DNAJC24: variants seen among roughly 807,000 people sequenced by gnomAD.
The protein encoded by DNAJC24 is dnaJ homolog subfamily C member 24.
DNAJC24 carries 17 observed loss-of-function variants against 18.0 expected under a neutral mutation model. The ratio of observed to expected loss-of-function variants is 0.94; its 90% confidence interval spans 0.65 to 1.42. The LOEUF is 1.42. Among genes scored for constraint, DNAJC24 ranks in the 40% most tolerant of loss-of-function variants. DNAJC24 has a pLI of 0.00. For synonymous variants in DNAJC24, 55 were observed against 57.7 expected (o/e 0.95, Z 0.21); for missense variants, 158 against 175.6 (o/e 0.90, Z 0.57).
chr11:31,414,674 G>C, intron 2 of DNAJC24, 137 bp from the exon 3 acceptor site: 1 of 867,846 alleles, frequency 1.2e-6, no homozygotes, highest in Non-Finnish European at 1.8e-6. Context: ...GCCCAACACT[G>C]TTGTCTCATT....
chr11:31,394,893 C>T (rs2133481144), intron 2 of DNAJC24, among the ~76,000 whole-genome samples: 1 of 152,112 alleles, frequency 6.6e-6, no homozygotes, highest in Non-Finnish European at 1.5e-5. Context: ...AAACAAAAAG[C>T]TGTTTTGTTT....
At chr11:31,407,572 C>G (rs1952667278) in intron 2 of DNAJC24, 1 of 150,652 alleles carries the variant, frequency 6.6e-6, no homozygotes, top group South Asian at 2.1e-4. Flanking sequence ...GTGGTTCCAG[C>G]TACTTGGGAG....
At chr11:31,396,886 A>C (rs941061186) in intron 2 of DNAJC24, among the ~76,000 whole-genome samples, 1 of 152,088 alleles carries the variant, frequency 6.6e-6, no homozygotes, top group Non-Finnish European at 1.5e-5. Context: ...TCTGACTTAC[A>C]GTTCTGCTTT....
chr11:31,399,459 G>A (rs907813912), intron 2 of DNAJC24, among the ~76,000 whole-genome samples: 11 of 145,498 alleles, frequency 7.6e-5, no homozygotes, highest in Non-Finnish European at 1.6e-4. Context: ...CCGTCACCCA[G>A]GCTGGAGTAC....
chr11:31,424,402 A>G (rs1320012563), intron 3 of DNAJC24, among the ~76,000 whole-genome samples: 1 of 152,190 alleles, frequency 6.6e-6, no homozygotes, highest in African/African-American at 2.4e-5. Flanking sequence ...TAATCTCCCA[A>G]TTCTAGCAAA....
At chr11:31,401,722 C>T (rs1217634593) in intron 2 of DNAJC24, among the ~76,000 whole-genome samples, 1 of 152,250 alleles carries the variant, frequency 6.6e-6, no homozygotes, top group African/African-American at 2.4e-5. Context: ...ATTAAAATGG[C>T]TCTTCTGGAG....
At chr11:31,402,032 C>T (rs775457453) in intron 2 of DNAJC24, among the ~76,000 whole-genome samples, 2 of 152,116 alleles carry the variant, frequency 1.3e-5, no homozygotes, top group Non-Finnish European at 2.9e-5. Flanking sequence ...GGATATTTTC[C>T]GAGAAATGTG....
intron 3 of DNAJC24, among the ~76,000 whole-genome samples, chr11:31,421,341 T>C (rs1003715557): frequency 9.6e-4 from 147 of 152,366 alleles, no homozygotes; most frequent in Non-Finnish European, 1.1e-3. Context: ...AAACTGTTGT[T>C]TATTTTTAAC....
At chr11:31,392,460 T>C (rs1952506470) in intron 2 of DNAJC24, among the ~76,000 whole-genome samples, 1 of 152,144 alleles carries the variant, frequency 6.6e-6, no homozygotes, top group Admixed American at 6.5e-5. Flanking sequence ...AAATAAAGTC[T>C]ACATACCAAG....
chr11:31,396,480 CT>C (rs1428282097), intron 2 of DNAJC24: 6 of 271,978 alleles, frequency 2.2e-5, no homozygotes, highest in Non-Finnish European at 4.5e-5. Flanking sequence ...AGACTGCTCT[CT>C]GTGTATTCCT....
At chr11:31,417,925 A>G (rs7121293) in intron 3 of DNAJC24, among the ~76,000 whole-genome samples, 189 of 152,210 alleles carry the variant, frequency 1.2e-3, no homozygotes, top group Non-Finnish European at 2.3e-3. Context: ...TTTCCAATAA[A>G]GAAAAAGTAA....
chr11:31,413,440 C>G (rs1180848721), intron 2 of DNAJC24, among the ~76,000 whole-genome samples: 1 of 150,406 alleles, frequency 6.6e-6, no homozygotes, highest in Non-Finnish European at 1.5e-5. Context: ...ACGCCATTCT[C>G]CTGCCTCAGC....
At chr11:31,430,164 T>C in intron 4 of DNAJC24, 107 bp from the exon 5 acceptor site, 1 of 1,018,318 alleles carries the variant, frequency 9.8e-7, no homozygotes, top group Middle Eastern at 3.2e-4. Flanking sequence ...ACTGAGCTTC[T>C]TTGTTTTGTT....
chr11:31,422,349 AG>A lies in DNAJC24; in HGVS notation c.251-3937del, dbSNP rs545556889. Among the ~76,000 whole-genome samples the A allele has an allele frequency of 3.8e-4, 58 of 152,312 alleles. No homozygotes were observed. The East Asian group carries it at 0.011, about 28-fold the overall frequency. ...ACTTCAAAAGAATCAGGAATCTTTT[AG>A]TATCATTGGACTCATTATAAGAGTA... On this transcript the variant is annotated intron_variant, in intron 3 of 4. Coordinates refer to ENST00000465995, the MANE Select transcript of DNAJC24 (RefSeq NM_181706.5).
Position 31,370,782 on chromosome 11 carries a change from T to G in DNAJC24, c.34T>G (p.Trp12Gly). The G allele has an allele frequency of 1.2e-6, 2 of 1,611,216 alleles. No homozygotes were observed. The highest frequency in any genetic ancestry group is 1.7e-6 in the Non-Finnish European group (2 of 1,179,064). ...GGTTGAGCAGATGCCAAAAAAGGATTGGTACAGCATCCTGGGAGCAGACCC... is the reference window on the plus strand; with the variant it reads ...GGTTGAGCAGATGCCAAAAAAGGATGGGTACAGCATCCTGGGAGCAGACCC... ...MAVEQMPKKD[W>G]YSILGADPSA... Residue 12 changes from tryptophan to glycine, a missense_variant, in exon 2 of 5, where the codon TGG becomes GGG. Physicochemically the swap from Trp to Gly is radical, Grantham distance 184. Transcript: ENST00000465995.
At chr11:31,419,601 C>T (rs1011374454) in intron 3 of DNAJC24, among the ~76,000 whole-genome samples, 1 of 151,940 alleles carries the variant, frequency 6.6e-6, no homozygotes, top group African/African-American at 2.4e-5. Context: ...CTTGAACAGA[C>T]TTGGTAGTTC....
chr11:31,418,181 G>T (rs552232535), intron 3 of DNAJC24, among the ~76,000 whole-genome samples: 1 of 152,180 alleles, frequency 6.6e-6, no homozygotes, highest in African/African-American at 2.4e-5. Flanking sequence ...GCCTCCAAAG[G>T]CTGCTTCCAG....
chr11:31,378,437 CAT>C (rs1952340699), intron 2 of DNAJC24, among the ~76,000 whole-genome samples: 1 of 152,158 alleles, frequency 6.6e-6, no homozygotes, highest in Non-Finnish European at 1.5e-5. Flanking sequence ...CTTTAGCTAA[CAT>C]GTAGCACTGC....
At chr11:31,390,138 G>A (rs548853908) in intron 2 of DNAJC24, among the ~76,000 whole-genome samples, 45 of 152,222 alleles carry the variant, frequency 3.0e-4, no homozygotes, top group African/African-American at 9.1e-4. Context: ...AGTGGCTCAC[G>A]CCTGTAATCC....
Sources: allele counts gnomAD v4.1 joint callset (sites outside exome capture counted in the v4.1 genomes callset), GRCh38; gene constraint gnomAD v4.1.1; transcripts MANE v1.5; gene names NCBI Gene and HGNC (gene_info 2026-07-23, HGNC 2026-07-21).